The following IL34 variants were observed in gnomAD, a reference collection of about 807,000 sequenced individuals.
IL34 encodes interleukin 34.
In IL34, 17 loss-of-function variants were observed where a neutral mutation model predicts 25.3. The observed-to-expected ratio is 0.67, with a 90% CI of 0.46 to 1.01. The LOEUF is 1.01. Among genes scored for constraint, IL34 ranks in the 50% least tolerant of loss-of-function variants. The pLI is 0.00. For synonymous variants in IL34, 174 were observed against 140.9 expected, an observed-to-expected ratio of 1.23 and a Z score of -1.66; for missense variants, 368 against 312.9, an observed-to-expected ratio of 1.18 and a Z score of -1.33.
chr16:70,618,036 A>G (rs976969865), intron 1 of IL34, among the ~76,000 whole-genome samples: 2 of 152,220 alleles, frequency 1.3e-5, no homozygotes, highest in African/African-American at 2.4e-5. Context: ...TGATGTGTAG[A>G]GAAGGGAGGG....
chr16:70,592,978 A>G (rs150694596), intron 1 of IL34, among the ~76,000 whole-genome samples: 1 of 152,008 alleles, frequency 6.6e-6, no homozygotes, highest in Non-Finnish European at 1.5e-5. Context: ...TCTTAAAAAC[A>G]CAGTTTTATT....
intron 1 of IL34, among the ~76,000 whole-genome samples, chr16:70,584,149 G>A (rs2050665223): frequency 6.6e-6 from 1 of 152,204 alleles, no homozygotes; most frequent in Non-Finnish European, 1.5e-5. Flanking sequence ...ATGGAAGTCT[G>A]AGAACTATGG....
In IL34 at chr16:70,618,732, C is replaced by G. The variant is rs181376893; in HGVS notation, c.-400-27816C>G. Among the ~76,000 whole-genome samples, 392 of 152,000 alleles carry G rather than the reference C, an allele frequency of 2.6e-3. 1 individual carries two copies. Among genetic ancestry groups the G allele is most frequent in the African/African-American group, 8.9e-3 (370 of 41,474 alleles). Reference sequence around the variant, plus strand: ...AGGTGCTGGGGTTTGAGAGATCAGTCGGACAGGGAGATCACGTGTGTTTTT... The same window carrying G: ...AGGTGCTGGGGTTTGAGAGATCAGTGGGACAGGGAGATCACGTGTGTTTTT... On this transcript the variant is annotated intron_variant, in intron 1 of 6. Coordinates refer to the IL34 transcript ENST00000429149.
rs71151199 is a variant in IL34, at chr16:70,632,101, C to CAA, written c.-400-14430_-400-14429dup. Among the ~76,000 whole-genome samples, 26 of 106,726 alleles carry CAA rather than the reference C, an allele frequency of 2.4e-4. 1 individual carries two copies. The highest frequency in any genetic ancestry group is 6.6e-4 in the African/African-American group (18 of 27,352). 70.0% of individuals were successfully genotyped at this position (106,726 alleles called of 152,430 possible). On this transcript the variant is annotated intron_variant, in intron 1 of 6. Transcript: ENST00000429149. ...TGGGTGATAGAGTGAGACCCTGTCT[C>CAA]AAAAAAAAAAAAAAAAAAGAGAAGA...
intron 4 of IL34, among the ~76,000 whole-genome samples, chr16:70,659,034 A>G (rs2052308770): frequency 6.6e-6 from 1 of 152,066 alleles, no homozygotes; most frequent in Non-Finnish European, 1.5e-5. Flanking sequence ...CCCCTTCCAG[A>G]AGATCACCCC....
intron 1 of IL34, among the ~76,000 whole-genome samples, chr16:70,594,947 CTCTCTCTCTT>C (rs2050799463): frequency 1.3e-5 from 2 of 149,940 alleles, no homozygotes; most frequent in African/African-American, 5.0e-5. Context: ...CTCTCTCTCT[CTCTCTCTCTT>C]TTTTTTTTTT....
intron 1 of IL34, among the ~76,000 whole-genome samples, chr16:70,651,101 C>A (rs965244330): frequency 6.6e-6 from 1 of 151,748 alleles, no homozygotes; most frequent in Admixed American, 6.6e-5. Context: ...AATCCCAGGT[C>A]ATGAGTGAAT....
chr16:70,655,342 C>T (rs143982737), intron 2 of IL34, among the ~76,000 whole-genome samples: 2,618 of 151,668 alleles, frequency 0.017, 27 homozygotes, highest in Middle Eastern at 0.038. Context: ...TGAGCCACTG[C>T]GCCCGGCCCT....
chr16:70,638,451 A>C (rs963299095), intron 1 of IL34, among the ~76,000 whole-genome samples: 80 of 151,866 alleles, frequency 5.3e-4, no homozygotes, highest in African/African-American at 1.9e-3. Flanking sequence ...AAAAATAAAG[A>C]AAAAAGAAAA....
rs113919470 is a variant in IL34 at position 70,614,425 on chromosome 16, G to A, written c.-400-32123G>A. 1.3e-4 allele frequency among the ~76,000 whole-genome samples: 20 copies of A among 152,248 alleles called. 1 individual carries two copies. Among genetic ancestry groups the A allele is most frequent in the African/African-American group, 4.8e-4 (20 of 41,550 alleles). On this transcript the variant is annotated intron_variant, in intron 1 of 6. Coordinates refer to the IL34 transcript ENST00000429149. Reference sequence around the variant, plus strand: ...TACTGAATTGTATGTCTGAGGGAGGGGCCTGGAGCCTGTGTTTTTTAACAG... The same window carrying A: ...TACTGAATTGTATGTCTGAGGGAGGAGCCTGGAGCCTGTGTTTTTTAACAG...
chr16:70,615,701 A>G (rs1567445491), intron 1 of IL34, among the ~76,000 whole-genome samples: 1 of 152,186 alleles, frequency 6.6e-6, no homozygotes, highest in Non-Finnish European at 1.5e-5. Context: ...CTGTAATCTC[A>G]GCACTTTGGG....
At chr16:70,601,701 C>T (rs2050920746) in intron 1 of IL34, among the ~76,000 whole-genome samples, 1 of 152,208 alleles carries the variant, frequency 6.6e-6, no homozygotes, top group Admixed American at 6.5e-5. Flanking sequence ...CCATCTGGCC[C>T]CAATCCCTTT....
chr16:70,597,195 C>T (rs928251323), intron 1 of IL34, among the ~76,000 whole-genome samples: 4 of 151,658 alleles, frequency 2.6e-5, no homozygotes, highest in Admixed American at 6.6e-5. Flanking sequence ...GTGAAGTTAC[C>T]CCCTCACAGA....
upstream of IL34, among the ~76,000 whole-genome samples, chr16:70,641,660 A>C (rs1411828556): frequency 6.6e-6 from 1 of 151,070 alleles, no homozygotes; most frequent in Non-Finnish European, 1.5e-5. Context: ...CCACCTCCCC[A>C]GATTCAAGTG....
intron 1 of IL34, among the ~76,000 whole-genome samples, chr16:70,629,580 G>C (rs140308148): frequency 1.3e-5 from 2 of 151,962 alleles, no homozygotes; most frequent in East Asian, 1.9e-4. Context: ...TTATAATAAC[G>C]AATACAATGT....
At chr16:70,624,964 C>G (rs1056649030) in intron 1 of IL34, among the ~76,000 whole-genome samples, 2 of 151,926 alleles carry the variant, frequency 1.3e-5, no homozygotes, top group African/African-American at 4.8e-5. Flanking sequence ...GGCACAGAGA[C>G]TAGGAAGGGA....
chr16:70,622,093 CTGCT>C (rs1473083054), intron 1 of IL34, among the ~76,000 whole-genome samples: 1 of 151,930 alleles, frequency 6.6e-6, no homozygotes, highest in African/African-American at 2.4e-5. Context: ...GCCTGAAAAA[CTGCT>C]TGGCTGATTT....
intron 2 of IL34, among the ~76,000 whole-genome samples, 198 bp from the exon 3 acceptor site, chr16:70,656,404 A>G (rs1010056908): frequency 1.1e-4 from 17 of 152,260 alleles, no homozygotes; most frequent in Middle Eastern, 6.8e-3. Flanking sequence ...CTGTAGTCCC[A>G]CCTACTTGGG....
chr16:70,634,679 CA>C (rs35353668), intron 1 of IL34, among the ~76,000 whole-genome samples: 1,690 of 117,498 alleles, frequency 0.014, 8 homozygotes, highest in Middle Eastern at 0.034. Flanking sequence ...GATTCCGAAT[CA>C]AAAAAAAAAA....
Sources: allele counts gnomAD v4.1 joint callset (sites outside exome capture counted in the v4.1 genomes callset), GRCh38; gene constraint gnomAD v4.1.1; transcripts MANE v1.5; gene names NCBI Gene and HGNC (gene_info 2026-07-23, HGNC 2026-07-21).